Variants in CEP131 observed in about 807,000 individuals in gnomAD.
CEP131 encodes centrosomal protein of 131 kDa.
A neutral mutation model predicts 136.8 loss-of-function variants in CEP131; 99 were observed. The observed-to-expected ratio is 0.72, with a 90% CI of 0.62 to 0.86. CEP131 has a LOEUF of 0.86. Among genes scored for constraint, CEP131 ranks in the 40% least tolerant of loss-of-function variants. CEP131 has a pLI of 0.00. For missense variants in CEP131, 1,459 were observed against 1,463.0 expected (o/e 1.00, Z 0.04); for synonymous variants, 646 against 612.7 (o/e 1.05, Z -0.80).
chr17:81,206,615 T>TTCAC (rs529384602), intron 5 of CEP131, 129 bp downstream of exon 5: 6 of 1,317,004 alleles, frequency 4.6e-6, no homozygotes, highest in African/African-American at 3.0e-5. Flanking sequence ...AAGCCATTCT[T>TTCAC]TCACTCACTC....
At position 81,200,408 on chromosome 17, in the gene CEP131, T is replaced by C. The variant is rs371341119; in HGVS notation, c.827A>G (p.Gln276Arg). The part of the protein sequence containing the change: ...HQVNQATVTI[Q>R]RWYRHQVQRR... ...CTGCACCTGGTGCCGGTACCAGCGC[T>C]GGATGGTGACAGTGGCCTGGTTCAC... The change falls in exon 8 of 26, where the codon CAG (glutamine) becomes CGG (arginine). Residue 276 changes from glutamine to arginine, a missense_variant. Physicochemically the swap from Gln to Arg is conservative, Grantham distance 43. Transcript: ENST00000450824. 1.5e-5 allele frequency: 24 copies of C among 1,559,312 alleles called. No homozygotes were observed. Among genetic ancestry groups the C allele is most frequent in the Non-Finnish European group, 2.1e-5 (24 of 1,152,184 alleles).
Position 81,190,681 on chromosome 17 carries a change from AGCGTGGCCAGCTCGGCCTTGGCCTGCC to A in CEP131, c.3038_3064del (p.Arg1013_Thr1021del). 1 of 1,603,260 alleles carries A rather than the reference AGCGTGGCCAGCTCGGCCTTGGCCTGCC, an allele frequency of 6.2e-7. No individual in the cohort carries two copies. Among genetic ancestry groups the A allele is most frequent in the Non-Finnish European group, 8.5e-7 (1 of 1,177,250 alleles). ...CAGCTCCAGCTGCTGGCGGGCCTGC[AGCGTGGCCAGCTCGGCCTTGGCCTGCC>A]GCGTCTCCTCCTCAGAGGCTGCCAG... is the stretch of plus-strand genomic sequence containing the variant. On this transcript the variant is annotated inframe_deletion, in exon 24 of 26. Transcript: ENST00000450824.
chr17:81,222,614 C>A (rs1378731288), intron 1 of CEP131, among the ~76,000 whole-genome samples, 155 bp downstream of exon 1: 1 of 151,796 alleles, frequency 6.6e-6, no homozygotes, highest in African/African-American at 2.4e-5. Context: ...ATCCCGCCTT[C>A]AATTGCGCGG....
At chr17:81,206,907 A>G (rs1047542084) in intron 4 of CEP131, 36 bp from the exon 5 acceptor site, 4 of 1,593,104 alleles carry the variant, frequency 2.5e-6, no homozygotes, top group Admixed American at 1.8e-5. Context: ...CCGCCCGCAC[A>G]CACCCAGACA....
Position 81,191,319 on chromosome 17 carries a change from T to C in CEP131, c.2639A>G (p.Asn880Ser). Residue 880 changes from asparagine to serine, a missense_variant, in exon 22 of 26, where the codon AAC (asparagine) becomes AGC (serine). This residue lies in a region of CEP131 where 1,026 missense variants were observed against 964.2 expected (regional missense o/e 1.06). Transcript: ENST00000450824. ...RTRKEEAWLL[N>S]REQELREEIR... ...TTCTTCCCTCAGCTCCTGTTCCCGGTTCAGCAGCCACGCCTCCTGGGGGGA... is the reference window on the plus strand; with the variant it reads ...TTCTTCCCTCAGCTCCTGTTCCCGGCTCAGCAGCCACGCCTCCTGGGGGGA... 6.2e-7 allele frequency: 1 copy of C among 1,613,092 alleles called. No homozygotes were observed. Among genetic ancestry groups the C allele is most frequent in the Admixed American group, 1.7e-5 (1 of 60,020 alleles).
At chr17:81,218,604 G>A (rs113358022) in intron 2 of CEP131, among the ~76,000 whole-genome samples, 2 of 152,228 alleles carry the variant, frequency 1.3e-5, no homozygotes, top group African/African-American at 2.4e-5. Flanking sequence ...ACAACCTGCC[G>A]GCCACAATGA....
chr17:81,195,081 G>A (rs1195902460), intron 16 of CEP131, 109 bp from the exon 17 acceptor site: 26 of 814,274 alleles, frequency 3.2e-5, no homozygotes, highest in East Asian at 4.9e-5. Flanking sequence ...GCACAAGGCC[G>A]GCACTCATGG....
In CEP131 at chr17:81,203,359, G is replaced by A. The variant is rs112122959; in HGVS notation, c.629+135C>T. The stretch of plus-strand genomic sequence containing the variant: ...AGGTTGGACCCCATGCACACTGACC[G>A]CATGCCCTGACCAAGGTAGAACCCT... On this transcript the variant is annotated intron_variant, in intron 6 of 25. Transcript: ENST00000450824. This position sits in a 1 kb window ranked among gnomAD's most constrained non-coding sequence, Gnocchi z 4.6. 1.4e-3 allele frequency: 976 copies of A among 685,816 alleles called. 10 individuals carry two copies. The African/African-American group carries it at 0.014, about 10-fold the overall frequency. 42.5% of individuals were successfully genotyped at this position (685,816 alleles called of 1,614,324 possible). A position where few individuals can be genotyped will look rare whatever the true frequency, so the allele number is the denominator to read the frequency against.
chr17:81,207,645 C>T (rs892022978), intron 3 of CEP131, among the ~76,000 whole-genome samples: 15 of 151,662 alleles, frequency 9.9e-5, no homozygotes, highest in African/African-American at 2.4e-4. Flanking sequence ...CCTGCACACC[C>T]GGCTGCCCAC....
chr17:81,189,854 C>T lies in CEP131; in HGVS notation c.3169-11G>A, dbSNP rs775530798. 1.2e-6 allele frequency: 2 copies of T among 1,612,400 alleles called. No homozygotes were observed. Among genetic ancestry groups the T allele is most frequent in the Non-Finnish European group, 1.7e-6 (2 of 1,179,692 alleles). Reference sequence around the variant, plus strand: ...CCGCTTCACCGCAGCCTGCAGCACACCCACAGGGTCAGGCCTGCTCCCAGC... The same window carrying T: ...CCGCTTCACCGCAGCCTGCAGCACATCCACAGGGTCAGGCCTGCTCCCAGC... On this transcript the variant is annotated splice_polypyrimidine_tract_variant and intron_variant, in intron 25 of 25. Coordinates refer to ENST00000450824, the MANE Select transcript of CEP131 (RefSeq NM_014984.4).
At chr17:81,197,174 C>T (rs993280384) in intron 13 of CEP131, 119 bp from the exon 14 acceptor site, 1 of 1,410,858 alleles carries the variant, frequency 7.1e-7, no homozygotes, top group Non-Finnish European at 9.3e-7. Flanking sequence ...CACACGGGAG[C>T]CCGTGGGAAG....
chr17:81,198,689 G>A (rs1567859163), intron 11 of CEP131, among the ~76,000 whole-genome samples, 188 bp downstream of exon 11: 1 of 152,192 alleles, frequency 6.6e-6, no homozygotes, highest in Non-Finnish European at 1.5e-5. Flanking sequence ...CCCCAGCAAA[G>A]GCTCCCCAAG....
At chr17:81,199,260 G>T (rs1320973924) in intron 10 of CEP131, 121 bp downstream of exon 10, 2 of 1,226,264 alleles carry the variant, frequency 1.6e-6, no homozygotes, top group Non-Finnish European at 1.1e-6. Context: ...CTAACTCCGA[G>T]GACTGGGGCC....
intron 2 of CEP131, among the ~76,000 whole-genome samples, chr17:81,211,017 G>A (rs967471700): frequency 1.3e-5 from 2 of 152,188 alleles, no homozygotes; most frequent in Non-Finnish European, 2.9e-5. Context: ...AGAGGCCACT[G>A]TGAGGTCTGG....
rs1336649286 is a variant in CEP131 at position 81,199,708 on chromosome 17, G to A, written c.1023+11C>T. 3.1e-6 allele frequency: 5 copies of A among 1,607,044 alleles called. No homozygotes were observed. Among genetic ancestry groups the A allele is most frequent in the Middle Eastern group, 1.7e-4 (1 of 5,894 alleles). ...CACGGTGCTGCTCAGTGGTCCCTGC[G>A]CGGTCAGCACCTGAATGGCTGCTCG... On this transcript the variant is annotated intron_variant, in intron 9 of 25. Coordinates refer to ENST00000450824, the MANE Select transcript of CEP131 (RefSeq NM_014984.4).
chr17:81,193,498 G>C (rs377103239), intron 18 of CEP131, among the ~76,000 whole-genome samples: 1 of 152,172 alleles, frequency 6.6e-6, no homozygotes, highest in Non-Finnish European at 1.5e-5. Context: ...GGCTCAGGAC[G>C]CAAGAGCAGC....
Position 81,219,552 on chromosome 17 carries a change from C to T in CEP131, c.177+328G>A, listed in dbSNP as rs565731785. ...ACCTCAGATGACCCGCCTGCCTCGG[C>T]CTCCCAAAGTGCTGAGATTACAGGC... On this transcript the variant is annotated intron_variant, in intron 2 of 25. Coordinates refer to ENST00000450824, the MANE Select transcript of CEP131 (RefSeq NM_014984.4). This position sits in a 1 kb window ranked among gnomAD's most constrained non-coding sequence, Gnocchi z 4.0. Among the ~76,000 whole-genome samples, 1 of 152,234 alleles carries T rather than the reference C, an allele frequency of 6.6e-6. No individual in the cohort carries two copies. Among genetic ancestry groups the T allele is most frequent in the East Asian group, 1.9e-4 (1 of 5,178 alleles).
rs2062061859 is a variant in CEP131 at position 81,208,408 on chromosome 17, T to G, written c.272+520A>C. Among the ~76,000 whole-genome samples, 1 of 151,756 alleles carries G rather than the reference T, an allele frequency of 6.6e-6. No individual in the cohort carries two copies. Among genetic ancestry groups the G allele is most frequent in the African/African-American group, 2.4e-5 (1 of 41,272 alleles). On this transcript the variant is annotated intron_variant, in intron 3 of 25. Coordinates refer to ENST00000450824, the MANE Select transcript of CEP131 (RefSeq NM_014984.4). This position sits in a 1 kb window ranked among gnomAD's most constrained non-coding sequence, Gnocchi z 5.6. ...GCCCACCACTCTGGGCTAGAGGATG[T>G]CCCCCCGGAGGCTGCTGGCCACCAC...
At position 81,220,235 on chromosome 17, in the gene CEP131, G is replaced by A. The variant is rs559636324; in HGVS notation, c.-17-162C>T. ...CCCTCTGGCTGGTGGCAGGCTCCTC[G>A]ACAGGAACATGAGGGAGCTGTTCTG... is the stretch of plus-strand genomic sequence containing the variant. On this transcript the variant is annotated intron_variant, in intron 1 of 25. Coordinates refer to ENST00000450824, the MANE Select transcript of CEP131 (RefSeq NM_014984.4). 4.6e-5 allele frequency among the ~76,000 whole-genome samples: 7 copies of A among 152,324 alleles called. No individual in the cohort carries two copies. The East Asian group carries it at 1.4e-3, about 29-fold the overall frequency.
Sources: allele counts gnomAD v4.1 joint callset (sites outside exome capture counted in the v4.1 genomes callset), GRCh38; gene constraint gnomAD v4.1.1; regional missense constraint gnomAD v4.1.1; non-coding constraint Gnocchi (gnomAD v3.1); transcripts MANE v1.5; gene names NCBI Gene and HGNC (gene_info 2026-07-23, HGNC 2026-07-21).